SLC9C1: variants seen among roughly 807,000 people sequenced by gnomAD.
The protein encoded by SLC9C1 is sodium/hydrogen exchanger 10.
SLC9C1 carries 97 observed loss-of-function variants against 140.9 expected under a neutral mutation model. That is an observed-to-expected ratio of 0.69 (90% CI 0.58 to 0.82). The LOEUF is 0.82. SLC9C1 is among the 40% of genes least tolerant of loss of function. SLC9C1 has a pLI of 0.00. For missense variants in SLC9C1, 1,340 were observed against 1,389.3 expected, an observed-to-expected ratio of 0.96 and a Z score of 0.56; for synonymous variants, 440 against 442.6, an observed-to-expected ratio of 0.99 and a Z score of 0.07.
At chr3:112,270,524 C>A (rs576391469) in intron 6 of SLC9C1, among the ~76,000 whole-genome samples, 7 of 152,320 alleles carry the variant, frequency 4.6e-5, no homozygotes, top group African/African-American at 1.7e-4. Context: ...TACCTGTTGA[C>A]TGCTGAGTGC....
rs1259979326 is a variant in SLC9C1, at chr3:112,151,825, C to T, written c.3524+32G>A. ...TGTATCTCCAGGGACAGATGTGCTC[C>T]TGATCCTGTTGAGGAAACCAGAGTG... On this transcript the variant is annotated intron_variant, in intron 28 of 28. Coordinates refer to ENST00000305815, the MANE Select transcript of SLC9C1 (RefSeq NM_183061.3). The T allele has an allele frequency of 3.8e-6, 6 of 1,571,340 alleles. No individual in the cohort carries two copies. In the Admixed American group the frequency reaches 8.5e-5, roughly 22 times the overall value.
intron 16 of SLC9C1, among the ~76,000 whole-genome samples, chr3:112,205,281 A>G (rs1009664980): frequency 2.8e-4 from 42 of 152,232 alleles, no homozygotes; most frequent in African/African-American, 9.6e-4. Context: ...GAGCCAAATC[A>G]TGAGTGAACT....
At chr3:112,266,076 A>G (rs184465382) in intron 8 of SLC9C1, among the ~76,000 whole-genome samples, 162 bp downstream of exon 8, 5 of 152,232 alleles carry the variant, frequency 3.3e-5, no homozygotes, top group Admixed American at 1.3e-4. Flanking sequence ...GAGGATTCAA[A>G]GACACAGGCA....
At chr3:112,161,458 G>T (rs913662946) in intron 26 of SLC9C1, among the ~76,000 whole-genome samples, 3 of 152,180 alleles carry the variant, frequency 2.0e-5, no homozygotes, top group Admixed American at 1.3e-4. Flanking sequence ...TAAGGTGTAA[G>T]GAAGGGATCC....
At chr3:112,256,801 G>C (rs911239710) in intron 10 of SLC9C1, among the ~76,000 whole-genome samples, 1 of 152,024 alleles carries the variant, frequency 6.6e-6, no homozygotes, top group South Asian at 2.1e-4. Flanking sequence ...ACATGATTCT[G>C]TATCTAGAAA....
intron 26 of SLC9C1, among the ~76,000 whole-genome samples, chr3:112,160,277 T>C (rs1160390679): frequency 6.6e-6 from 1 of 151,556 alleles, no homozygotes; most frequent in Non-Finnish European, 1.5e-5. Flanking sequence ...TTTTTTTTCT[T>C]TTATTATTAT....
chr3:112,245,561 C>T (rs9826043), intron 10 of SLC9C1, among the ~76,000 whole-genome samples: 89,413 of 151,212 alleles, frequency 0.59, 26,879 homozygotes, highest in East Asian at 0.79. Flanking sequence ...TTTTGAATTC[C>T]TTATTATACT....
intron 26 of SLC9C1, among the ~76,000 whole-genome samples, chr3:112,158,841 A>G (rs1382831405): frequency 1.3e-5 from 2 of 151,512 alleles, no homozygotes; most frequent in African/African-American, 4.8e-5. Flanking sequence ...GATCCTTTGT[A>G]TTTCTGTGGT....
intron 26 of SLC9C1, among the ~76,000 whole-genome samples, chr3:112,161,658 G>T (rs918212163): frequency 6.6e-6 from 1 of 152,058 alleles, no homozygotes; most frequent in Non-Finnish European, 1.5e-5. Flanking sequence ...GTACCATGCT[G>T]TTTTGGTTAC....
intron 16 of SLC9C1, among the ~76,000 whole-genome samples, chr3:112,205,008 C>G (rs749015204): frequency 1.3e-5 from 2 of 152,114 alleles, no homozygotes; most frequent in African/African-American, 2.4e-5. Flanking sequence ...TCGATGCCCT[C>G]TCTCACCATT....
intron 23 of SLC9C1, among the ~76,000 whole-genome samples, chr3:112,176,306 C>T (rs1019622272): frequency 1.3e-5 from 2 of 152,192 alleles, no homozygotes; most frequent in African/African-American, 4.8e-5. Flanking sequence ...TTTCTCCGTT[C>T]TCCGTGAATT....
chr3:112,243,881 G>A (rs2079203693), intron 11 of SLC9C1, 114 bp downstream of exon 11: 4 of 646,682 alleles, frequency 6.2e-6, no homozygotes, highest in Non-Finnish European at 9.9e-6. Context: ...TGTAGAGACG[G>A]GGGTCTCACT....
intron 16 of SLC9C1, among the ~76,000 whole-genome samples, chr3:112,206,141 C>T (rs1169734338): frequency 3.2e-5 from 2 of 63,010 alleles, no homozygotes; most frequent in Non-Finnish European, 7.0e-5. Context: ...ACAATGAACT[C>T]AAACAAATTT....
chr3:112,186,646 C>T (rs2077546600), intron 20 of SLC9C1, among the ~76,000 whole-genome samples: 1 of 152,056 alleles, frequency 6.6e-6, no homozygotes, highest in African/African-American at 2.4e-5. Context: ...TAAAATTAGT[C>T]AAAATAGTCT....
At chr3:112,290,020 T>G (rs2080631567) in intron 1 of SLC9C1, among the ~76,000 whole-genome samples, 1 of 152,202 alleles carries the variant, frequency 6.6e-6, no homozygotes, top group South Asian at 2.1e-4. Context: ...AATGAGCAAC[T>G]GGTGTTTAGA....
At chr3:112,281,372 C>A (rs1290131700) in intron 2 of SLC9C1, among the ~76,000 whole-genome samples, 1 of 152,120 alleles carries the variant, frequency 6.6e-6, no homozygotes, top group Admixed American at 6.6e-5. Context: ...CGGGTGCAGT[C>A]TCTGAAACTG....
intron 14 of SLC9C1, among the ~76,000 whole-genome samples, chr3:112,218,433 A>G (rs1281993665): frequency 3.3e-5 from 1 of 30,336 alleles, no homozygotes; most frequent in African/African-American, 1.0e-4. Flanking sequence ...TTACTTTAAA[A>G]CTTGTATATA....
At chr3:112,248,884 TCTTCTG>T (rs1318699162) in intron 10 of SLC9C1, among the ~76,000 whole-genome samples, 1 of 152,210 alleles carries the variant, frequency 6.6e-6, no homozygotes, top group Non-Finnish European at 1.5e-5. Flanking sequence ...TAAAATCATA[TCTTCTG>T]CACACAAAGA....
At chr3:112,267,501 G>T (rs1159407389) in intron 7 of SLC9C1, among the ~76,000 whole-genome samples, 3 of 139,306 alleles carry the variant, frequency 2.2e-5, no homozygotes, top group African/African-American at 8.0e-5. Flanking sequence ...GCGAGAACCC[G>T]AAAGGTGGAG....
Sources: allele counts gnomAD v4.1 joint callset (sites outside exome capture counted in the v4.1 genomes callset), GRCh38; gene constraint gnomAD v4.1.1; transcripts MANE v1.5; gene names NCBI Gene and HGNC (gene_info 2026-07-23, HGNC 2026-07-21).